The following TNRC18 variants were observed in gnomAD, a reference collection of about 807,000 sequenced individuals.
The protein encoded by TNRC18 is trinucleotide repeat containing 18.
TNRC18 carries 69 observed loss-of-function variants against 226.7 expected under a neutral mutation model. The observed-to-expected ratio is 0.30, with a 90% CI of 0.25 to 0.37. The LOEUF is 0.37. Among genes scored for constraint, TNRC18 ranks in the 10% least tolerant of loss-of-function variants. The pLI is 1.00. For synonymous variants in TNRC18, 2,449 were observed against 1,927.6 expected (o/e 1.27, Z -7.09); for missense variants, 4,754 against 4,256.6 (o/e 1.12, Z -3.25).
intron 2 of TNRC18, among the ~76,000 whole-genome samples, chr7:5,407,978 A>C (rs1413327869): frequency 6.6e-6 from 1 of 152,212 alleles, no homozygotes; most frequent in Admixed American, 6.5e-5. Flanking sequence ...AAGAGACTGC[A>C]CAGTATTTGA....
At chr7:5,323,149 T>C (rs575838605) in intron 21 of TNRC18, among the ~76,000 whole-genome samples, 2 of 152,100 alleles carry the variant, frequency 1.3e-5, no homozygotes, top group Non-Finnish European at 2.9e-5. Flanking sequence ...GGTTGTCACA[T>C]AGCGGCAGGT....
At chr7:5,412,598 T>TAAAAATAA (rs1223349037) in intron 2 of TNRC18, among the ~76,000 whole-genome samples, 2 of 150,952 alleles carry the variant, frequency 1.3e-5, no homozygotes, top group Non-Finnish European at 2.9e-5. Context: ...TAAAATAAAA[T>TAAAAATAA]AAAAATAAAA....
chr7:5,351,076 G>A (rs903804069), intron 17 of TNRC18, among the ~76,000 whole-genome samples: 1 of 152,130 alleles, frequency 6.6e-6, no homozygotes, highest in African/African-American at 2.4e-5. Flanking sequence ...TGGAGGTGAA[G>A]GCGCTTGATT....
At chr7:5,329,061 G>C (rs1165398164) in intron 19 of TNRC18, among the ~76,000 whole-genome samples, 2 of 152,184 alleles carry the variant, frequency 1.3e-5, no homozygotes, top group African/African-American at 4.8e-5. Context: ...GCAACACATT[G>C]GGAGGCTGAG....
chr7:5,420,976 C>T (rs765666157), intron 2 of TNRC18, 84 bp downstream of exon 2: 138 of 1,515,680 alleles, frequency 9.1e-5, no homozygotes, highest in Non-Finnish European at 1.0e-4. Context: ...TCGCCGAGCC[C>T]CGGCCGCGAG....
rs540898777 is a variant in TNRC18, at chr7:5,363,496, C to T, written c.4220-671G>A. Reference sequence around the variant, plus strand: ...GCGGGCGCCTGTAGCCCCAGCTACTCGGGAGGCTGAAGCAGGAGAATGGCG... The same window carrying T: ...GCGGGCGCCTGTAGCCCCAGCTACTTGGGAGGCTGAAGCAGGAGAATGGCG... On this transcript the variant is annotated intron_variant, in intron 11 of 29. Transcript: ENST00000430969. 3.3e-5 allele frequency among the ~76,000 whole-genome samples: 5 copies of T among 152,016 alleles called. No individual in the cohort carries two copies. The South Asian group carries it at 1.0e-3, about 32-fold the overall frequency.
At chr7:5,347,111 G>A (rs971518474) in intron 17 of TNRC18, among the ~76,000 whole-genome samples, 6 of 152,028 alleles carry the variant, frequency 3.9e-5, no homozygotes, top group Non-Finnish European at 7.4e-5. Context: ...GAGAGGCTGA[G>A]GCGGGAAGAT....
intron 2 of TNRC18, chr7:5,407,518 T>G (rs1290352956): frequency 6.6e-6 from 1 of 152,116 alleles, no homozygotes; most frequent in Non-Finnish European, 1.5e-5. Context: ...GGCTCCCAGT[T>G]ACTCCCCACC....
intron 16 of TNRC18, among the ~76,000 whole-genome samples, chr7:5,354,106 G>C (rs1400954393): frequency 6.6e-6 from 1 of 152,062 alleles, no homozygotes; most frequent in Admixed American, 6.6e-5. Flanking sequence ...AGGAGGCTGA[G>C]GCAGGACAAT....
At position 5,307,032 on chromosome 7, in the gene TNRC18, G is replaced by C. The variant is rs1408214294; in HGVS notation, c.*1074C>G. The C allele has an allele frequency of 6.7e-6, 1 of 150,024 alleles. No homozygotes were observed. Among genetic ancestry groups the C allele is most frequent in the East Asian group, 2.0e-4 (1 of 5,086 alleles). The allele number at this position is 150,024 out of a possible 1,614,324, so 9.3% of individuals were successfully genotyped here. ...CAAGCAGGGACCCTGGGCTTGGGCC[G>C]GCTCCTGCCTCTCCCTCTTCTCTCC... On this transcript the variant is annotated 3_prime_UTR_variant, in exon 30 of 30. Coordinates refer to ENST00000430969, the MANE Select transcript of TNRC18 (RefSeq NM_001080495.3).
chr7:5,408,170 G>C (rs1018634012), intron 2 of TNRC18, among the ~76,000 whole-genome samples: 1 of 151,942 alleles, frequency 6.6e-6, no homozygotes, highest in Non-Finnish European at 1.5e-5. Context: ...GTGGTGGCGC[G>C]CGCCTCTAGT....
At position 5,332,532 on chromosome 7, in the gene TNRC18, C is replaced by G; in HGVS notation, c.6147+90G>C. 7 of 1,392,130 alleles carry G rather than the reference C, an allele frequency of 5.0e-6. No individual in the cohort carries two copies. In the South Asian group the frequency reaches 9.7e-5, roughly 19 times the overall value. 86.2% of individuals were successfully genotyped at this position (1,392,130 alleles called of 1,614,324 possible). A position where few individuals can be genotyped will look rare whatever the true frequency, so the allele number is the denominator to read the frequency against. On this transcript the variant is annotated intron_variant, in intron 19 of 29. Coordinates refer to ENST00000430969, the MANE Select transcript of TNRC18 (RefSeq NM_001080495.3). ...GAGTACATGGTTATTAACAGTGAAG[C>G]CGCTTCCCTAGGCTGGGAGGGGAGA...
intron 2 of TNRC18, among the ~76,000 whole-genome samples, chr7:5,405,254 C>T (rs956702489): frequency 1.3e-5 from 2 of 152,066 alleles, no homozygotes; most frequent in Non-Finnish European, 2.9e-5. Context: ...AAGGCAAAAC[C>T]CTGTCTCTAC....
chr7:5,362,105 G>A, intron 12 of TNRC18, 72 bp from the exon 13 acceptor site: 1 of 1,559,538 alleles, frequency 6.4e-7, no homozygotes, highest in Non-Finnish European at 8.7e-7. Flanking sequence ...GCCCACCCAG[G>A]GGTGCCCCTG....
intron 18 of TNRC18, among the ~76,000 whole-genome samples, chr7:5,341,762 C>CAAAAAAAAAAAAAAAAAAAAAA: frequency 1.1e-5 from 1 of 92,202 alleles, no homozygotes; most frequent in South Asian, 3.7e-4. Context: ...GACTCCGTCT[C>CAAAAAAAAAAAAAAAAAAAAAA]AAAAAAAAAA....
At chr7:5,385,061 G>A (rs1779660956) in intron 5 of TNRC18, among the ~76,000 whole-genome samples, 1 of 152,246 alleles carries the variant, frequency 6.6e-6, no homozygotes, top group African/African-American at 2.4e-5. Context: ...GGTCCAAGGT[G>A]GCTCCACCGG....
chr7:5,417,662 A>C (rs1026442299), intron 2 of TNRC18, among the ~76,000 whole-genome samples: 1 of 152,294 alleles, frequency 6.6e-6, no homozygotes, highest in South Asian at 2.1e-4. Context: ...TGAGTAAATG[A>C]GCAAGTGAGG....
chr7:5,349,207 C>G (rs974949878), intron 17 of TNRC18, among the ~76,000 whole-genome samples: 1 of 152,188 alleles, frequency 6.6e-6, no homozygotes, highest in Non-Finnish European at 1.5e-5. Context: ...TCCCTGCGTG[C>G]TTGACAAGGC....
chr7:5,341,418 C>CAAA (rs35407523), intron 18 of TNRC18, among the ~76,000 whole-genome samples: 3 of 85,096 alleles, frequency 3.5e-5, no homozygotes, highest in African/African-American at 1.5e-4. Context: ...GACTCCATCT[C>CAAA]AAAAAAAAAA....
Sources: allele counts gnomAD v4.1 joint callset (sites outside exome capture counted in the v4.1 genomes callset), GRCh38; gene constraint gnomAD v4.1.1; transcripts MANE v1.5; gene names NCBI Gene and HGNC (gene_info 2026-07-23, HGNC 2026-07-21).